Variants in TMEM230 observed in about 807,000 individuals in gnomAD.
TMEM230 encodes UPF0414 transmembrane protein C20orf30.
In TMEM230, 10 loss-of-function variants were observed where a neutral mutation model predicts 15.8. The observed-to-expected ratio is 0.63, with a 90% CI of 0.39 to 1.07. TMEM230 has a LOEUF of 1.07. Among genes scored for constraint, TMEM230 ranks in the 50% least tolerant of loss-of-function variants. The pLI, the probability that TMEM230 is intolerant of heterozygous loss-of-function variation, is 0.01. For missense variants in TMEM230, 165 were observed against 193.3 expected (o/e 0.85, Z 0.87); for synonymous variants, 67 against 76.9 (o/e 0.87, Z 0.68).
chr20:5,106,438 T>A, intron 3 of TMEM230, 128 bp from the exon 3 acceptor site: 1 of 1,190,604 alleles, frequency 8.4e-7, no homozygotes. Context: ...AGTTTCGTTC[T>A]TGTTGCCCAG....
chr20:5,098,993 CTGTT>C (rs2089748496), downstream of TMEM230, among the ~76,000 whole-genome samples: 1 of 151,994 alleles, frequency 6.6e-6, no homozygotes, highest in Admixed American at 6.6e-5. Flanking sequence ...TTATACCCTT[CTGTT>C]TATTTTTTTG....
chr20:5,076,369 G>A (rs1305856216), intron 3 of TMEM230, among the ~76,000 whole-genome samples: 3 of 151,798 alleles, frequency 2.0e-5, no homozygotes, highest in East Asian at 2.0e-4. Context: ...GCGAAACCCC[G>A]TCTCTACTAA....
intron 1 of TMEM230, chr20:5,111,883 G>A (rs1600428688): frequency 1.4e-6 from 1 of 705,310 alleles, no homozygotes. Context: ...GTCTCGCTCT[G>A]TCACCCAGGC....
chr20:5,071,721 A>G (rs1033383777), intron 3 of TMEM230, among the ~76,000 whole-genome samples: 2 of 152,064 alleles, frequency 1.3e-5, no homozygotes, highest in Non-Finnish European at 1.5e-5. Context: ...ATTTAGAGAA[A>G]GATATACAGG....
chr20:5,096,047 C>T (rs1345206819), downstream of TMEM230, among the ~76,000 whole-genome samples: 2 of 152,224 alleles, frequency 1.3e-5, no homozygotes, highest in Non-Finnish European at 2.9e-5. Context: ...GGGCCTGAGA[C>T]CTCCTCACAC....
downstream of TMEM230, among the ~76,000 whole-genome samples, chr20:5,095,832 A>G (rs918263441): frequency 3.3e-4 from 51 of 152,330 alleles, no homozygotes; most frequent in African/African-American, 1.2e-3. Flanking sequence ...CGGTCCACAG[A>G]CCAGACTGCA....
chr20:5,081,864 C>CTTT lies in TMEM230; in HGVS notation c.223-12518_223-12516dup, dbSNP rs770805896. 1.0e-3 allele frequency among the ~76,000 whole-genome samples: 140 copies of CTTT among 140,332 alleles called. 8 individuals carry two copies. The highest frequency in any genetic ancestry group is 3.8e-3 in the African/African-American group (128 of 33,816). The allele number at this position is 140,332 out of a possible 152,430, so 92.1% of individuals were successfully genotyped here. On this transcript the variant is annotated intron_variant, in intron 3 of 3. Coordinates refer to the TMEM230 transcript ENST00000612323. ...CTCATGTTTGAAATTCACTGATTTTCTTTTTTTTCTTTTTTTTTTTTTTTT... is the reference window on the plus strand; with the variant it reads ...CTCATGTTTGAAATTCACTGATTTTCTTTTTTTTTTTCTTTTTTTTTTTTTTTT...
intron 3 of TMEM230, among the ~76,000 whole-genome samples, chr20:5,082,309 C>T (rs576071238): frequency 3.3e-5 from 5 of 151,546 alleles, no homozygotes; most frequent in Admixed American, 3.3e-4. Context: ...GGCATAATCC[C>T]GGCTCACTGC....
At chr20:5,107,712 G>A (rs1157599829) in intron 3 of TMEM230, among the ~76,000 whole-genome samples, 16 of 151,990 alleles carry the variant, frequency 1.1e-4, no homozygotes, top group African/African-American at 2.4e-4. Flanking sequence ...TATTCAGGAG[G>A]CTGAGGTGAA....
chr20:5,103,253 G>A (rs894148689), intron 4 of TMEM230, among the ~76,000 whole-genome samples: 1 of 151,976 alleles, frequency 6.6e-6, no homozygotes, highest in Non-Finnish European at 1.5e-5. Flanking sequence ...CTTGAGCCTA[G>A]GAGTTTAAGA....
chr20:5,108,415 G>A (rs748950091), intron 3 of TMEM230, among the ~76,000 whole-genome samples: 245 of 129,650 alleles, frequency 1.9e-3, no homozygotes, highest in Admixed American at 6.1e-3. Context: ...CTAAAACTCC[G>A]TCTCCAAAAA....
rs115682366 is a variant in TMEM230, at chr20:5,077,144, A to G, written c.223-7795T>C. Among the ~76,000 whole-genome samples, 540 of 152,050 alleles carry G rather than the reference A, an allele frequency of 3.6e-3. 4 individuals are homozygous for G. The highest frequency in any genetic ancestry group is 0.013 in the African/African-American group (519 of 41,518). ...AACATAGTGAGACCCCATCTCTACAAAAAACAAACAAAATTAGCTGAACAT... is the reference window on the plus strand; with the variant it reads ...AACATAGTGAGACCCCATCTCTACAGAAAACAAACAAAATTAGCTGAACAT... On this transcript the variant is annotated intron_variant, in intron 3 of 3. Coordinates refer to the TMEM230 transcript ENST00000612323.
At chr20:5,091,682 A>C (rs929228236) in intron 3 of TMEM230, among the ~76,000 whole-genome samples, 6 of 152,150 alleles carry the variant, frequency 3.9e-5, no homozygotes, top group Non-Finnish European at 8.8e-5. Context: ...ACATAAGTAT[A>C]TTGCAAACTT....
chr20:5,072,984 T>C (rs577896090), intron 3 of TMEM230, among the ~76,000 whole-genome samples: 1 of 151,762 alleles, frequency 6.6e-6, no homozygotes, highest in African/African-American at 2.4e-5. Flanking sequence ...TGAGGATTCA[T>C]GTACAAGAGA....
chr20:5,081,177 A>G (rs1210751669), intron 3 of TMEM230, among the ~76,000 whole-genome samples: 2 of 152,174 alleles, frequency 1.3e-5, no homozygotes, highest in East Asian at 3.8e-4. Context: ...GAAAGAGGAG[A>G]ATTAGAGAGA....
intron 3 of TMEM230, among the ~76,000 whole-genome samples, chr20:5,091,027 G>C (rs958579139): frequency 2.0e-5 from 3 of 152,020 alleles, no homozygotes; most frequent in African/African-American, 4.8e-5. Flanking sequence ...TTTAGGCAGG[G>C]TCTCGCTGTC....
chr20:5,091,664 C>T (rs2089510424), intron 3 of TMEM230, among the ~76,000 whole-genome samples: 1 of 152,114 alleles, frequency 6.6e-6, no homozygotes, highest in African/African-American at 2.4e-5. Context: ...AAATATGGAT[C>T]TATTTCTACA....
At chr20:5,092,639 C>A (rs537868373) in intron 3 of TMEM230, among the ~76,000 whole-genome samples, 278 of 151,398 alleles carry the variant, frequency 1.8e-3, no homozygotes, top group African/African-American at 6.4e-3. Context: ...TCGCTTGAAC[C>A]CGGAGGCAGA....
chr20:5,108,053 C>T (rs1050854413), intron 3 of TMEM230, among the ~76,000 whole-genome samples: 1 of 151,998 alleles, frequency 6.6e-6, no homozygotes, highest in African/African-American at 2.4e-5. Flanking sequence ...GGGGAGGTTG[C>T]AGTGAGCCAG....
Sources: gnomAD v4.1 joint callset for allele counts (sites outside exome capture counted in the v4.1 genomes callset) on GRCh38, gnomAD v4.1.1 for gene constraint, MANE v1.5 for transcripts, NCBI Gene and HGNC (gene_info 2026-07-23, HGNC 2026-07-21) for gene names.